TMCO4: variants seen among roughly 807,000 people sequenced by gnomAD.
The protein encoded by TMCO4 is transmembrane and coiled-coil domains 4, also known as transmembrane and coiled-coil domain-containing protein 4.
In TMCO4, 58 loss-of-function variants were observed where a neutral mutation model predicts 64.7. That is an observed-to-expected ratio of 0.90 (90% CI 0.73 to 1.12). TMCO4 has a LOEUF of 1.12. TMCO4 is among the 50% of genes most tolerant of loss of function. The probability of loss-of-function intolerance (pLI) is 0.00; values close to 1 mark genes in which losing one functional copy is unlikely to be tolerated. For missense variants in TMCO4, 780 were observed against 825.9 expected (o/e 0.94, Z 0.68); for synonymous variants, 325 against 346.1 (o/e 0.94, Z 0.68).
At chr1:19,731,871 G>T (rs553645962) in intron 13 of TMCO4, among the ~76,000 whole-genome samples, 86 of 152,324 alleles carry the variant, frequency 5.6e-4, no homozygotes, top group African/African-American at 1.7e-3. Context: ...CCCCTCTGCA[G>T]TGGGTGATCT....
At chr1:19,718,650 C>CAAAAACAAA (rs2095367607) in intron 13 of TMCO4, among the ~76,000 whole-genome samples, 4 of 63,334 alleles carry the variant, frequency 6.3e-5, no homozygotes, top group African/African-American at 3.4e-4. Flanking sequence ...GACCGTCTCT[C>CAAAAACAAA]AAAAAAAAAA....
intron 6 of TMCO4, among the ~76,000 whole-genome samples, chr1:19,769,248 C>T (rs115577602): frequency 2.2e-3 from 329 of 152,306 alleles, no homozygotes; most frequent in African/African-American, 7.5e-3. Context: ...GAGCCCTCTC[C>T]CTTCTACTCT....
chr1:19,789,426 A>C (rs2043915441), intron 2 of TMCO4, among the ~76,000 whole-genome samples: 1 of 152,058 alleles, frequency 6.6e-6, no homozygotes, highest in African/African-American at 2.4e-5. Context: ...TAAATAAATA[A>C]ATAACAAAAC....
intron 4 of TMCO4, among the ~76,000 whole-genome samples, chr1:19,779,674 T>C (rs556570682): frequency 6.6e-6 from 1 of 152,216 alleles, no homozygotes. Flanking sequence ...CCTACCTAGA[T>C]GTAAGCACCT....
intron 13 of TMCO4, among the ~76,000 whole-genome samples, chr1:19,720,209 G>A (rs1259340177): frequency 6.6e-6 from 1 of 151,898 alleles, no homozygotes; most frequent in Non-Finnish European, 1.5e-5. Flanking sequence ...TGCTATGCTG[G>A]CCATGGTGGT....
At chr1:19,799,912 CGCCCGGCCCG>C (rs972856386) in exon 1 of TMCO4, 1 of 151,658 alleles carries the variant, frequency 6.6e-6, no homozygotes, top group Non-Finnish European at 1.5e-5. Flanking sequence ...CGGCTCCTCC[CGCCCGGCCCG>C]GCCCGGCCCC....
intron 15 of TMCO4, 52 bp downstream of exon 15, chr1:19,694,382 C>G (rs2095220417): frequency 3.3e-6 from 5 of 1,532,858 alleles, no homozygotes; most frequent in South Asian, 1.2e-5. Flanking sequence ...GGTGGCTGGG[C>G]TGGAGCAACT....
intron 6 of TMCO4, among the ~76,000 whole-genome samples, chr1:19,759,854 C>T (rs1001053812): frequency 6.6e-6 from 1 of 152,240 alleles, no homozygotes; most frequent in Non-Finnish European, 1.5e-5. Context: ...TTGTTCCTTG[C>T]TGTTCTCCCA....
At chr1:19,729,955 T>C (rs892859881) in intron 13 of TMCO4, among the ~76,000 whole-genome samples, 4 of 152,166 alleles carry the variant, frequency 2.6e-5, no homozygotes. Flanking sequence ...CCCATACACA[T>C]ACACACAAAA....
At chr1:19,705,861 C>CA in intron 13 of TMCO4, among the ~76,000 whole-genome samples, 1 of 152,088 alleles carries the variant, frequency 6.6e-6, no homozygotes, top group Admixed American at 6.5e-5. Flanking sequence ...TTCAGCCTTC[C>CA]AGGTAAACTA....
In TMCO4 at chr1:19,780,477, C is replaced by T. The variant is rs2043413545; in HGVS notation, c.179+103G>A. ...CGTTAGAGGCAAGGACAATGACTTG[C>T]CCCTCTCTGCATTGCCTCATCGTGC... On this transcript the variant is annotated intron_variant, in intron 4 of 15. Coordinates refer to ENST00000294543, the MANE Select transcript of TMCO4 (RefSeq NM_181719.7). The T allele has an allele frequency of 5.1e-6, 7 of 1,360,914 alleles. No individual in the cohort carries two copies. In the South Asian group the frequency reaches 7.6e-5, roughly 15 times the overall value. 84.3% of individuals were successfully genotyped at this position (1,360,914 alleles called of 1,614,324 possible).
chr1:19,779,511 A>G (rs2043358996), intron 4 of TMCO4, among the ~76,000 whole-genome samples: 3 of 152,082 alleles, frequency 2.0e-5, no homozygotes, highest in African/African-American at 7.3e-5. Context: ...CTGACTCCAA[A>G]TATGTGATTT....
At chr1:19,751,414 AG>A (rs1307954440) in intron 7 of TMCO4, among the ~76,000 whole-genome samples, 4 of 152,028 alleles carry the variant, frequency 2.6e-5, no homozygotes, top group Non-Finnish European at 5.9e-5. Context: ...CCTGGGCAAC[AG>A]GGTGAAATGC....
At chr1:19,709,864 C>T (rs2095322547) in intron 13 of TMCO4, among the ~76,000 whole-genome samples, 1 of 150,954 alleles carries the variant, frequency 6.6e-6, no homozygotes, top group South Asian at 2.1e-4. Flanking sequence ...TCTCAGTACA[C>T]TGCAACCTCC....
At position 19,708,383 on chromosome 1, in the gene TMCO4, TA is replaced by T. The variant is rs371812591; in HGVS notation, c.1265-7499del. Among the ~76,000 whole-genome samples the T allele has an allele frequency of 7.6e-4, 108 of 142,788 alleles. 2 individuals carry two copies. Among genetic ancestry groups the T allele is most frequent in the African/African-American group, 2.3e-3 (90 of 38,816 alleles). The allele number at this position is 142,788 out of a possible 152,430, so 93.7% of individuals were successfully genotyped here. ...AAGTCTGGAAATTATCTTAGCTTTT[TA>T]AAAAAAAAATACATAAATAAAAAAA... On this transcript the variant is annotated intron_variant, in intron 13 of 15. Coordinates refer to ENST00000294543, the MANE Select transcript of TMCO4 (RefSeq NM_181719.7).
chr1:19,798,948 C>T (rs2044467995), intron 1 of TMCO4, among the ~76,000 whole-genome samples: 1 of 152,220 alleles, frequency 6.6e-6, no homozygotes, highest in African/African-American at 2.4e-5. Context: ...AAAAAGGGGG[C>T]TCATGTGCTG....
chr1:19,764,059 T>G (rs2042623827), intron 6 of TMCO4, among the ~76,000 whole-genome samples: 1 of 152,178 alleles, frequency 6.6e-6, no homozygotes, highest in South Asian at 2.1e-4. Flanking sequence ...TCTGAGACCC[T>G]CCCATCTCCA....
At chr1:19,737,298 C>T (rs1187204058) in intron 13 of TMCO4, 74 bp downstream of exon 13, 5 of 1,485,520 alleles carry the variant, frequency 3.4e-6, no homozygotes, top group African/African-American at 1.4e-5. Flanking sequence ...GGCTCATGGC[C>T]CCTGGCCCAG....
chr1:19,712,454 A>C (rs2095335297), intron 13 of TMCO4, among the ~76,000 whole-genome samples: 1 of 151,900 alleles, frequency 6.6e-6, no homozygotes, highest in South Asian at 2.1e-4. Context: ...CCCTGTCTCT[A>C]CTAAAAATAC....
Sources: gnomAD v4.1 joint callset for allele counts (sites outside exome capture counted in the v4.1 genomes callset) on GRCh38, gnomAD v4.1.1 for gene constraint, MANE v1.5 for transcripts, NCBI Gene and HGNC (gene_info 2026-07-23, HGNC 2026-07-21) for gene names.